PCDH15: variants seen among roughly 807,000 people sequenced by gnomAD.
The protein encoded by PCDH15 is protocadherin related 15.
Under a neutral mutation model 178.5 loss-of-function variants are expected in PCDH15, and 129 were observed. The ratio of observed to expected loss-of-function variants is 0.72; its 90% CI spans 0.63 to 0.84. The LOEUF (loss-of-function observed/expected upper bound fraction) is 0.84. PCDH15 is among the 40% of genes least tolerant of loss of function. The probability of loss-of-function intolerance (pLI) is 0.00; values close to 1 mark genes in which losing one functional copy is unlikely to be tolerated. For missense variants in PCDH15, 2,230 were observed against 2,099.9 expected, an observed-to-expected ratio of 1.06 and a Z score of -1.21; for synonymous variants, 800 against 732.0, an observed-to-expected ratio of 1.09 and a Z score of -1.50.
At chr10:54,120,779 A>G (rs2095204684) in intron 15 of PCDH15, among the ~76,000 whole-genome samples, 1 of 152,184 alleles carries the variant, frequency 6.6e-6, no homozygotes, top group Non-Finnish European at 1.5e-5. Flanking sequence ...CACATTGTAG[A>G]GTCTAGATTC....
At chr10:54,996,874 C>A (rs967888264) in intron 2 of PCDH15, among the ~76,000 whole-genome samples, 4 of 151,822 alleles carry the variant, frequency 2.6e-5, no homozygotes, top group African/African-American at 9.7e-5. Context: ...ACTTTGGGAG[C>A]CCAAGGTAGG....
chr10:54,037,638 T>C (rs916670997), intron 18 of PCDH15, among the ~76,000 whole-genome samples: 3 of 151,982 alleles, frequency 2.0e-5, no homozygotes, highest in Admixed American at 2.0e-4. Flanking sequence ...TAAAACCTTA[T>C]GTGACTCGCT....
At chr10:55,177,731 C>T (rs1839533982) in intron 1 of PCDH15, among the ~76,000 whole-genome samples, 1 of 152,160 alleles carries the variant, frequency 6.6e-6, no homozygotes, top group Admixed American at 6.6e-5. Flanking sequence ...ACTGTCAAAA[C>T]TCAGCCACCT....
At chr10:54,019,311 T>G (rs1000152797) in intron 20 of PCDH15, among the ~76,000 whole-genome samples, 1 of 152,140 alleles carries the variant, frequency 6.6e-6, no homozygotes, top group East Asian at 1.9e-4. Flanking sequence ...ACTCATTTAG[T>G]AAAGTAACTT....
intron 2 of PCDH15, among the ~76,000 whole-genome samples, chr10:55,556,859 T>C (rs979868772): frequency 4.9e-4 from 74 of 152,162 alleles, no homozygotes; most frequent in African/African-American, 1.7e-3. Flanking sequence ...AAAAGTTTTT[T>C]ACATTTTTCT....
chr10:54,398,839 G>T (rs1951572855), intron 3 of PCDH15, among the ~76,000 whole-genome samples: 1 of 152,026 alleles, frequency 6.6e-6, no homozygotes, highest in Admixed American at 6.6e-5. Context: ...GCATAGGATA[G>T]AATTAAACTA....
intron 1 of PCDH15, among the ~76,000 whole-genome samples, chr10:55,306,394 C>A (rs915571019): frequency 1.3e-5 from 2 of 152,146 alleles, no homozygotes; most frequent in Non-Finnish European, 2.9e-5. Flanking sequence ...CTTTCACCTC[C>A]TGCATTTACC....
chr10:54,692,995 G>T (rs2135823058), intron 1 of PCDH15, among the ~76,000 whole-genome samples: 1 of 152,052 alleles, frequency 6.6e-6, no homozygotes, highest in East Asian at 1.9e-4. Flanking sequence ...ATGGTGGATT[G>T]CTGCACCTAT....
intron 9 of PCDH15, among the ~76,000 whole-genome samples, chr10:54,231,044 A>AT (rs1003239909): frequency 3.3e-5 from 5 of 152,208 alleles, no homozygotes; most frequent in African/African-American, 1.2e-4. Context: ...TGATAACACA[A>AT]TTAGAAGCAG....
chr10:55,266,284 C>T (rs556116991), intron 1 of PCDH15, among the ~76,000 whole-genome samples: 4 of 152,034 alleles, frequency 2.6e-5, no homozygotes, highest in Non-Finnish European at 5.9e-5. Context: ...CTCCTGTTTG[C>T]TAGAAACCCT....
intron 2 of PCDH15, among the ~76,000 whole-genome samples, chr10:54,961,998 CT>C (rs1468524872): frequency 2.6e-5 from 4 of 152,248 alleles, no homozygotes; most frequent in African/African-American, 9.6e-5. Context: ...TGGGTCTCCT[CT>C]CTGATGAGAG....
At chr10:54,780,391 G>A (rs974385323) in intron 1 of PCDH15, among the ~76,000 whole-genome samples, 4 of 152,124 alleles carry the variant, frequency 2.6e-5, no homozygotes, top group Non-Finnish European at 5.9e-5. Flanking sequence ...TGGGTCAGCT[G>A]TTTACTGCAA....
chr10:54,940,627 G>A (rs1006388397), intron 2 of PCDH15, among the ~76,000 whole-genome samples: 1 of 151,972 alleles, frequency 6.6e-6, no homozygotes, highest in Admixed American at 6.6e-5. Flanking sequence ...GTTGAAAGTG[G>A]ACACTGCAGC....
At chr10:54,550,722 T>A (rs11004378) in intron 2 of PCDH15, among the ~76,000 whole-genome samples, 38,546 of 152,114 alleles carry the variant, frequency 0.25, 5,156 homozygotes, top group Admixed American at 0.34. Flanking sequence ...TATCAGCCTT[T>A]TATTCAAGTA....
chr10:54,347,418 T>C (rs906173190), intron 5 of PCDH15, among the ~76,000 whole-genome samples: 7 of 152,132 alleles, frequency 4.6e-5, no homozygotes, highest in African/African-American at 1.4e-4. Context: ...AATCATTGCA[T>C]TGTTAGAGGA....
At chr10:53,881,333 T>C (rs2133344169) in intron 26 of PCDH15, among the ~76,000 whole-genome samples, 1 of 152,138 alleles carries the variant, frequency 6.6e-6, no homozygotes, top group Admixed American at 6.5e-5. Context: ...GGGTGAAGGA[T>C]GAGAAATTAC....
chr10:55,250,588 G>A (rs540803195), intron 1 of PCDH15, among the ~76,000 whole-genome samples: 2 of 143,432 alleles, frequency 1.4e-5, no homozygotes, highest in South Asian at 4.4e-4. Flanking sequence ...TCAGGCTGGA[G>A]TGCAGTGGTG....
chr10:53,919,401 C>T (rs1405363034), intron 25 of PCDH15, among the ~76,000 whole-genome samples: 3 of 152,136 alleles, frequency 2.0e-5, no homozygotes, highest in South Asian at 2.1e-4. Flanking sequence ...AGCTCTCAAG[C>T]TCTTTTTATG....
chr10:54,890,340 C>T (rs1225574319), intron 3 of PCDH15, among the ~76,000 whole-genome samples: 1 of 151,962 alleles, frequency 6.6e-6, no homozygotes, highest in Non-Finnish European at 1.5e-5. Context: ...CAAAAATATT[C>T]TAACATTATA....
Sources: allele counts gnomAD v4.1 joint callset (sites outside exome capture counted in the v4.1 genomes callset), GRCh38; gene constraint gnomAD v4.1.1; transcripts MANE v1.5; gene names NCBI Gene and HGNC (gene_info 2026-07-23, HGNC 2026-07-21).